The following MYO5B variants were observed in gnomAD, a reference collection of about 807,000 sequenced individuals.
The protein encoded by MYO5B is myosin VB, also known as unconventional myosin-Vb.
Under a neutral mutation model 229.3 loss-of-function variants are expected in MYO5B, and 143 were observed. That is an observed-to-expected ratio of 0.62 (90% CI 0.54 to 0.72). MYO5B has a LOEUF of 0.72. Ranked by LOEUF, MYO5B falls within the 30% of genes least tolerant of loss-of-function variation. MYO5B has a pLI of 0.00. For synonymous variants in MYO5B, 918 were observed against 885.2 expected (o/e 1.04, Z -0.66); for missense variants, 2,321 against 2,331.0 (o/e 1.00, Z 0.09).
chr18:49,829,584 C>T (rs2023889788), intron 39 of MYO5B, among the ~76,000 whole-genome samples: 1 of 152,178 alleles, frequency 6.6e-6, no homozygotes, highest in Admixed American at 6.5e-5. Flanking sequence ...GGAAGGCACA[C>T]TTTAACTCAT....
At chr18:50,146,798 A>T (rs184334097) in intron 1 of MYO5B, among the ~76,000 whole-genome samples, 24 of 152,362 alleles carry the variant, frequency 1.6e-4, no homozygotes, top group African/African-American at 5.8e-4. Context: ...GGGTAAAAAT[A>T]AAAAACTTAC....
chr18:49,928,225 A>G (rs979538725), intron 17 of MYO5B, among the ~76,000 whole-genome samples: 4 of 151,312 alleles, frequency 2.6e-5, no homozygotes, highest in Non-Finnish European at 4.4e-5. Flanking sequence ...TAACTGAAAA[A>G]TCAAAAAATA....
intron 1 of MYO5B, among the ~76,000 whole-genome samples, chr18:50,194,393 C>T (rs111337490): frequency 0.061 from 9,300 of 152,160 alleles, 346 homozygotes; most frequent in African/African-American, 0.1. Flanking sequence ...CGCGGGGGCC[C>T]GTCCCGCGCA....
intron 1 of MYO5B, among the ~76,000 whole-genome samples, chr18:50,089,350 C>T (rs1002263629): frequency 6.6e-6 from 1 of 151,972 alleles, no homozygotes; most frequent in Non-Finnish European, 1.5e-5. Context: ...TGCACTCTGG[C>T]CTGGGCGACA....
intron 10 of MYO5B, among the ~76,000 whole-genome samples, chr18:49,970,613 T>C (rs2025680843): frequency 6.6e-6 from 1 of 152,240 alleles, no homozygotes; most frequent in Admixed American, 6.5e-5. Flanking sequence ...CTGTGAGTTC[T>C]GTGGTAACAT....
At chr18:49,995,083 C>A (rs2025972723) in intron 5 of MYO5B, among the ~76,000 whole-genome samples, 1 of 152,102 alleles carries the variant, frequency 6.6e-6, no homozygotes, top group African/African-American at 2.4e-5. Context: ...ATACCTGAAT[C>A]CAAAGTCTGC....
intron 5 of MYO5B, among the ~76,000 whole-genome samples, chr18:49,993,598 C>T (rs952626906): frequency 3.3e-5 from 5 of 152,148 alleles, no homozygotes; most frequent in Non-Finnish European, 7.3e-5. Flanking sequence ...CTGCTGAGCC[C>T]AGGACTGGCC....
intron 33 of MYO5B, among the ~76,000 whole-genome samples, chr18:49,846,942 GC>G (rs1211752957): frequency 6.6e-6 from 1 of 151,480 alleles, no homozygotes; most frequent in Non-Finnish European, 1.5e-5. Context: ...GAGAATAGCA[GC>G]TGGACACAGC....
chr18:49,891,821 C>CTGT (rs929319491), intron 22 of MYO5B, among the ~76,000 whole-genome samples: 4 of 152,252 alleles, frequency 2.6e-5, no homozygotes, highest in African/African-American at 9.6e-5. Context: ...AGGCAATCAA[C>CTGT]TAGTGGCTAG....
chr18:49,971,624 C>G (rs2025693237), intron 10 of MYO5B, among the ~76,000 whole-genome samples: 1 of 152,230 alleles, frequency 6.6e-6, no homozygotes, highest in South Asian at 2.1e-4. Context: ...GAAAGACAGC[C>G]TGGGCCAGTC....
intron 20 of MYO5B, among the ~76,000 whole-genome samples, chr18:49,904,135 T>C (rs1265090596): frequency 2.6e-5 from 4 of 152,240 alleles, no homozygotes; most frequent in Admixed American, 2.6e-4. Flanking sequence ...AAAACTCATG[T>C]TGAAATCTGA....
chr18:50,098,694 A>G (rs2031600589), intron 1 of MYO5B: 1 of 152,280 alleles, frequency 6.6e-6, no homozygotes. Context: ...GATAACATGG[A>G]CAATGTAGTA....
At chr18:49,947,110 T>TTTTC (rs1366753017) in intron 14 of MYO5B, among the ~76,000 whole-genome samples, 1 of 146,798 alleles carries the variant, frequency 6.8e-6, no homozygotes, top group Non-Finnish European at 1.5e-5. Flanking sequence ...TCTTTTTTTT[T>TTTTC]TTTTTTTTTT....
intron 21 of MYO5B, 29 bp from the exon 22 acceptor site, chr18:49,895,203 A>AGGGAGAAGAAGTGGG (rs2024764616): frequency 1.3e-6 from 2 of 1,572,378 alleles, no homozygotes. Flanking sequence ...AACAAGGAGA[A>AGGGAGAAGAAGTGGG]GGGAGAAGAA....
At chr18:50,039,985 A>C (rs959055572) in intron 3 of MYO5B, among the ~76,000 whole-genome samples, 158 bp downstream of exon 3, 2 of 152,130 alleles carry the variant, frequency 1.3e-5, no homozygotes, top group African/African-American at 2.4e-5. Flanking sequence ...CAGCCTAATT[A>C]AGCCACATTC....
chr18:50,113,584 C>T (rs2031906774), intron 1 of MYO5B, among the ~76,000 whole-genome samples: 1 of 152,172 alleles, frequency 6.6e-6, no homozygotes, highest in African/African-American at 2.4e-5. Context: ...AATTATCAGG[C>T]GCACGTACAA....
chr18:50,076,014 A>G (rs886143028), intron 1 of MYO5B, among the ~76,000 whole-genome samples: 4 of 152,254 alleles, frequency 2.6e-5, no homozygotes, highest in Non-Finnish European at 4.4e-5. Context: ...GAAGGCCTCA[A>G]GGAAAACCCC....
chr18:49,990,809 T>A (rs1416564763), intron 6 of MYO5B, among the ~76,000 whole-genome samples: 1 of 152,150 alleles, frequency 6.6e-6, no homozygotes, highest in Non-Finnish European at 1.5e-5. Flanking sequence ...AAATGGTGAG[T>A]CAGTCAATCA....
At chr18:49,927,521 A>G (rs916084738) in intron 17 of MYO5B, among the ~76,000 whole-genome samples, 3 of 152,236 alleles carry the variant, frequency 2.0e-5, no homozygotes, top group Non-Finnish European at 4.4e-5. Flanking sequence ...ACAGTCACCA[A>G]AACAGCATGA....
Sources: gnomAD v4.1 joint callset for allele counts (sites outside exome capture counted in the v4.1 genomes callset) on GRCh38, gnomAD v4.1.1 for gene constraint, MANE v1.5 for transcripts, NCBI Gene and HGNC (gene_info 2026-07-23, HGNC 2026-07-21) for gene names.